Variants in CENPE observed in about 807,000 individuals in gnomAD.
CENPE encodes the protein centromere protein E.
Under a neutral mutation model 336.1 loss-of-function variants are expected in CENPE, and 145 were observed. That is an observed-to-expected ratio of 0.43 (90% CI 0.38 to 0.50). The LOEUF is 0.50. Among genes scored for constraint, CENPE ranks in the 20% least tolerant of loss-of-function variants. The pLI is 0.00. For synonymous variants in CENPE, 1,013 were observed against 984.8 expected, an observed-to-expected ratio of 1.03 and a Z score of -0.54; for missense variants, 2,719 against 3,023.3, an observed-to-expected ratio of 0.90 and a Z score of 2.36.
At chr4:103,186,568 C>G (rs777681576) in intron 8 of CENPE, among the ~76,000 whole-genome samples, 5 of 152,138 alleles carry the variant, frequency 3.3e-5, no homozygotes, top group Non-Finnish European at 7.3e-5. Flanking sequence ...ACAAATATTA[C>G]TGAAAAGAAG....
chr4:103,183,217 T>G lies in CENPE; in HGVS notation c.817A>C (p.Ser273Arg). 6.2e-7 allele frequency: 1 copy of G among 1,612,950 alleles called. No individual in the cohort carries two copies. The highest frequency in any genetic ancestry group is 8.5e-7 in the Non-Finnish European group (1 of 1,179,260). The change falls in exon 10 of 49, where the codon AGT becomes CGT. Residue 273 changes from serine to arginine, a missense_variant. By Grantham distance (110) the Ser-to-Arg change is moderately radical (BLOSUM62 -1). Coordinates refer to ENST00000265148, the MANE Select transcript of CENPE (RefSeq NM_001813.3). ...TAAACTTACCCAACTTGTCCATCAC[T>G]AAGTTTCTTGATCACTTGTCCCAAA... ...FILGQVIKKL[S>R]DGQVGGFINY...
intron 4 of CENPE, among the ~76,000 whole-genome samples, chr4:103,195,610 C>T (rs72666804): frequency 3.9e-5 from 6 of 152,216 alleles, no homozygotes; most frequent in Non-Finnish European, 5.9e-5. Context: ...TTTATAATCA[C>T]TGATAGTTAA....
rs754185050 is a variant in CENPE at position 103,145,202 on chromosome 4, T to A, written c.4705A>T (p.Ser1569Cys). 6.2e-7 allele frequency: 1 copy of A among 1,613,834 alleles called. No individual in the cohort carries two copies. Among genetic ancestry groups the A allele is most frequent in the South Asian group, 1.1e-5 (1 of 91,042 alleles). Residue 1569 changes from serine to cysteine, a missense_variant, in exon 32 of 49, where the codon AGT becomes TGT. Ser to Cys is a moderately radical substitution (Grantham distance 112, BLOSUM62 -1). Transcript: ENST00000265148. ...AKDSALQSIESKMLELTNRLQ... is the reference protein window; with the variant it reads ...AKDSALQSIECKMLELTNRLQ... ...CTGTTGGTCAACTCGAGCATCTTAC[T>A]TTCTATACTTTGTAGTGCTGAATCC...
intron 39 of CENPE, among the ~76,000 whole-genome samples, chr4:103,137,582 T>C (rs1460434522): frequency 1.3e-5 from 2 of 152,130 alleles, no homozygotes; most frequent in Non-Finnish European, 2.9e-5. Flanking sequence ...AACACTGACT[T>C]ATGTCAGGAA....
At chr4:103,144,144 G>T (rs1043920356) in intron 33 of CENPE, among the ~76,000 whole-genome samples, 187 bp downstream of exon 33, 9 of 152,040 alleles carry the variant, frequency 5.9e-5, no homozygotes, top group Non-Finnish European at 1.3e-4. Context: ...CACCATGTTA[G>T]CCAGGATGGT....
At position 103,141,007 on chromosome 4, in the gene CENPE, T is replaced by A; in HGVS notation, c.5561A>T (p.Lys1854Ile). ...KKVSEMEQLKKQIKDQSLTLS... is the reference protein window; with the variant it reads ...KKVSEMEQLKIQIKDQSLTLS... ...AGTTAAGCTTTGGTCTTTTATTTGT[T>A]TCTTTAGTTGCTCCATTTCAGACAC... Residue 1854 changes from lysine (K) to isoleucine (I), a missense_variant, in exon 36 of 49, where the codon AAA becomes ATA. Lys to Ile is a moderately radical substitution (Grantham distance 102). Around this residue, in one of 5 missense-constraint regions of CENPE, gnomAD observed 2,437 missense variants for 2,513.3 expected, o/e 0.97. Coordinates refer to ENST00000265148, the MANE Select transcript of CENPE (RefSeq NM_001813.3). 6.2e-7 allele frequency: 1 copy of A among 1,608,896 alleles called. No individual in the cohort carries two copies. Among genetic ancestry groups the A allele is most frequent in the Non-Finnish European group, 8.5e-7 (1 of 1,175,994 alleles).
Position 103,176,950 on chromosome 4 carries a change from T to C in CENPE, c.1339A>G (p.Thr447Ala), listed in dbSNP as rs770148339. 1 of 1,600,626 alleles carries C rather than the reference T, an allele frequency of 6.2e-7. No individual in the cohort carries two copies. The highest frequency in any genetic ancestry group is 1.1e-5 in the South Asian group (1 of 89,098). ...ADQFNIPTNI[T>A]TKTHKLSINL... ...ATAGAAAGCTTATGTGTTTTTGTTG[T>C]TATATTTGTTGGTATATTAAATTGA... Residue 447 changes from threonine to alanine, a missense_variant, in exon 14 of 49, where the codon ACA becomes GCA. Physicochemically the swap from Thr to Ala is moderately conservative, Grantham distance 58. Transcript: ENST00000265148.
intron 46 of CENPE, among the ~76,000 whole-genome samples, chr4:103,113,452 ATTAC>A (rs1019491691): frequency 7.1e-6 from 1 of 139,988 alleles, no homozygotes; most frequent in Non-Finnish European, 1.5e-5. Flanking sequence ...TTACTTACAT[ATTAC>A]TTATATATAA....
chr4:103,139,749 T>C (rs1332840917), intron 38 of CENPE, 40 bp downstream of exon 38: 1 of 1,503,920 alleles, frequency 6.6e-7, no homozygotes, highest in Admixed American at 2.3e-5. Context: ...AGCTTAATTC[T>C]TATTAATAGT....
At chr4:103,189,792 A>G (rs58228467) in intron 8 of CENPE, among the ~76,000 whole-genome samples, 1,652 of 152,226 alleles carry the variant, frequency 0.011, 22 homozygotes, top group African/African-American at 0.034. Flanking sequence ...TTCTGGCCAG[A>G]GCAATCAGGC....
chr4:103,181,599 A>G, intron 11 of CENPE, 143 bp from the exon 12 acceptor site: 1 of 588,956 alleles, frequency 1.7e-6, no homozygotes, highest in South Asian at 2.3e-5. Context: ...CAAAGGGAAC[A>G]TTCTATGTCC....
intron 42 of CENPE, among the ~76,000 whole-genome samples, chr4:103,124,901 T>C (rs1360967226): frequency 1.3e-5 from 2 of 152,326 alleles, no homozygotes; most frequent in South Asian, 4.1e-4. Context: ...TATTAATGCC[T>C]ACTCTTATGT....
chr4:103,168,397 A>T (rs1465782153), intron 16 of CENPE, among the ~76,000 whole-genome samples: 1 of 152,166 alleles, frequency 6.6e-6, no homozygotes, highest in Non-Finnish European at 1.5e-5. Flanking sequence ...CTGCCTGTGT[A>T]GGACAGGCCT....
chr4:103,163,408 T>C, intron 17 of CENPE, 71 bp downstream of exon 17: 1 of 1,273,582 alleles, frequency 7.9e-7, no homozygotes, highest in Admixed American at 2.0e-5. Context: ...TGACATCATG[T>C]TCAGTTACAT....
At chr4:103,186,006 T>G in intron 8 of CENPE, 145 bp from the exon 9 acceptor site, 1 of 508,570 alleles carries the variant, frequency 2.0e-6, no homozygotes, top group Non-Finnish European at 3.5e-6. Flanking sequence ...AGGCATTCCC[T>G]TTTTTCTCTG....
intron 18 of CENPE, 133 bp downstream of exon 18, chr4:103,163,004 G>T: frequency 1.6e-6 from 1 of 622,714 alleles, no homozygotes; most frequent in Non-Finnish European, 2.5e-6. Flanking sequence ...GTTATTGACA[G>T]ATTTAATGAA....
rs1368283175 is a variant in CENPE, at chr4:103,149,299, T to C, written c.3506A>G (p.Asn1169Ser). ...CATATGTTCCAATGTCAATTCTTTG[T>C]TCTTTAATTCATTCTTTAAATTCTC... Reference protein sequence around the residue: ...EIENLKNELKNKELTLEHMET... With the variant: ...EIENLKNELKSKELTLEHMET... Residue 1169 changes from asparagine (N) to serine (S), a missense_variant, in exon 27 of 49, where the codon AAC (asparagine) becomes AGC (serine). Physicochemically the swap from Asn to Ser is conservative, Grantham distance 46 (BLOSUM62 1). This residue lies in a region of CENPE where 2,437 missense variants were observed against 2,513.3 expected (regional missense o/e 0.97). Transcript: ENST00000265148. 3.1e-6 allele frequency: 5 copies of C among 1,612,408 alleles called. No homozygotes were observed. The African/African-American group carries it at 4.0e-5, about 13-fold the overall frequency.
At chr4:103,107,757 C>G (rs1425771166) in intron 48 of CENPE, among the ~76,000 whole-genome samples, 1 of 152,170 alleles carries the variant, frequency 6.6e-6, no homozygotes, top group East Asian at 1.9e-4. Context: ...CTCTCCTTCT[C>G]TACTCCAAGT....
chr4:103,152,947 T>A, intron 25 of CENPE, 100 bp downstream of exon 25: 1 of 831,152 alleles, frequency 1.2e-6, no homozygotes, highest in South Asian at 1.9e-5. Context: ...TTCCACCAGA[T>A]ACATTTATTG....
Sources: gnomAD v4.1 joint callset for allele counts (sites outside exome capture counted in the v4.1 genomes callset) on GRCh38, gnomAD v4.1.1 for gene constraint, gnomAD v4.1.1 regional missense constraint, MANE v1.5 for transcripts, NCBI Gene and HGNC (gene_info 2026-07-23, HGNC 2026-07-21) for gene names.